The following DSC3 variants were observed in gnomAD, a reference collection of about 807,000 sequenced individuals.
DSC3 encodes desmocollin-3.
DSC3 carries 97 observed loss-of-function variants against 89.5 expected under a neutral mutation model. The observed-to-expected ratio is 1.08, with a 90% CI of 0.92 to 1.28. DSC3 has a LOEUF of 1.28. Ranked by LOEUF, DSC3 falls within the 50% of genes most tolerant of loss-of-function variation. DSC3 has a pLI of 0.00. For synonymous variants in DSC3, 436 were observed against 384.1 expected (o/e 1.14, Z -1.58); for missense variants, 1,199 against 1,085.3 (o/e 1.10, Z -1.47).
At chr18:31,030,663 A>G (rs948728825) in intron 3 of DSC3, among the ~76,000 whole-genome samples, 1 of 151,970 alleles carries the variant, frequency 6.6e-6, no homozygotes, top group African/African-American at 2.4e-5. Context: ...AGAGGGAGAG[A>G]CAAAAATAGA....
At chr18:30,994,748 TC>T (rs1984399084) in intron 15 of DSC3, among the ~76,000 whole-genome samples, 1 of 152,194 alleles carries the variant, frequency 6.6e-6, no homozygotes, top group Non-Finnish European at 1.5e-5. Context: ...TGGTTGTGAG[TC>T]AAAGCTCTGG....
intron 4 of DSC3, among the ~76,000 whole-genome samples, chr18:31,026,884 C>A (rs1344827316): frequency 6.6e-6 from 1 of 152,026 alleles, no homozygotes; most frequent in African/African-American, 2.4e-5. Flanking sequence ...GTGTCTTCTC[C>A]CTGTTGGACA....
intron 4 of DSC3, among the ~76,000 whole-genome samples, chr18:31,027,649 G>C (rs561695734): frequency 4.1e-4 from 62 of 152,220 alleles, no homozygotes; most frequent in African/African-American, 1.4e-3. Flanking sequence ...CATGGCTATG[G>C]TGTTTTCCTG....
intron 1 of DSC3, among the ~76,000 whole-genome samples, chr18:31,038,057 A>T (rs1986027570): frequency 6.6e-6 from 1 of 152,184 alleles, no homozygotes; most frequent in Non-Finnish European, 1.5e-5. Context: ...AGATGTTCTT[A>T]TGTGAACCCA....
At chr18:31,024,850 T>C (rs1985545487) in intron 5 of DSC3, among the ~76,000 whole-genome samples, 1 of 152,174 alleles carries the variant, frequency 6.6e-6, no homozygotes, top group Admixed American at 6.6e-5. Flanking sequence ...AAATTCCTAC[T>C]ACATTATCTA....
chr18:31,039,228 C>T (rs1986061856), intron 1 of DSC3, among the ~76,000 whole-genome samples: 1 of 151,992 alleles, frequency 6.6e-6, no homozygotes, highest in African/African-American at 2.4e-5. Context: ...TGATAGAAAC[C>T]TTATCAGACG....
At position 30,993,398 on chromosome 18, in the gene DSC3, CA is replaced by C. The variant is rs1909722771; in HGVS notation, c.*776del. On this transcript the variant is annotated 3_prime_UTR_variant, in exon 16 of 16. Transcript: ENST00000360428. ...AGTTTAATTTATTTACAATTTTAAA[CA>C]AATTACACAAATTGGACAGGAACTA... 1 of 152,114 alleles carries C rather than the reference CA, an allele frequency of 6.6e-6. No homozygotes were observed. Among genetic ancestry groups the C allele is most frequent in the South Asian group, 2.1e-4 (1 of 4,828 alleles). The allele number at this position is 152,114 out of a possible 1,614,324, so 9.4% of individuals were successfully genotyped here.
At position 30,991,182 on chromosome 18, in the gene DSC3, A is replaced by G. The variant is rs1984228847; in HGVS notation, c.*2993T>C. 6.5e-6 allele frequency: 1 copy of G among 152,688 alleles called. No individual in the cohort carries two copies. The highest frequency in any genetic ancestry group is 6.5e-5 in the Admixed American group (1 of 15,290). The allele number at this position is 152,688 out of a possible 1,614,324, so 9.5% of individuals were successfully genotyped here. On this transcript the variant is annotated 3_prime_UTR_variant, in exon 16 of 16. Coordinates refer to ENST00000360428, the MANE Select transcript of DSC3 (RefSeq NM_001941.5). ...TAAAAGCAAAGTAACTTCTTTTAAT[A>G]GCAATACTAAAACTCTGTTTAAAAC...
rs770616021 is a variant in DSC3, at chr18:31,008,425, C to G, written c.1364G>C (p.Arg455Thr). ...RDIPRVTALN[R>T]ALVTVHVRDL... ...CCTCACATGAACTGTAACCAAGGCT[C>G]TGTTCAAGGCTGTCACTCTGGGAAT... The change falls in exon 10 of 16, where the codon AGA becomes ACA. Residue 455 changes from arginine to threonine, a missense_variant. Physicochemically the swap from Arg to Thr is moderately conservative, Grantham distance 71. Transcript: ENST00000360428. The G allele has an allele frequency of 6.2e-7, 1 of 1,614,148 alleles. No individual in the cohort carries two copies. The highest frequency in any genetic ancestry group is 8.5e-7 in the Non-Finnish European group (1 of 1,180,020).
chr18:31,001,089 G>GTGTATATA (rs141615987), intron 14 of DSC3, among the ~76,000 whole-genome samples: 146 of 126,030 alleles, frequency 1.2e-3, no homozygotes, highest in African/African-American at 3.9e-3. Context: ...TTGTGTGTGT[G>GTGTATATA]TATATATATA....
At chr18:30,995,318 C>T (rs1984418282) in intron 15 of DSC3, among the ~76,000 whole-genome samples, 2 of 152,194 alleles carry the variant, frequency 1.3e-5, no homozygotes, top group Non-Finnish European at 2.9e-5. Context: ...CACTCCATCT[C>T]AACCTGATAT....
At chr18:31,013,879 C>G (rs978104820) in intron 9 of DSC3, among the ~76,000 whole-genome samples, 6 of 152,076 alleles carry the variant, frequency 3.9e-5, no homozygotes, top group Non-Finnish European at 5.9e-5. Context: ...CTTGACTAAG[C>G]AATTCCATTT....
intron 12 of DSC3, among the ~76,000 whole-genome samples, chr18:31,005,754 G>A (rs1170243892): frequency 6.6e-6 from 1 of 152,192 alleles, no homozygotes; most frequent in Non-Finnish European, 1.5e-5. Context: ...TTGGAAGGGA[G>A]AAGTAATCAG....
intron 1 of DSC3, among the ~76,000 whole-genome samples, chr18:31,035,924 T>G (rs1316709940): frequency 6.6e-6 from 1 of 152,154 alleles, no homozygotes; most frequent in Non-Finnish European, 1.5e-5. Flanking sequence ...TTGGGTAGTA[T>G]CTGTTTATAT....
chr18:31,007,353 T>C (rs996963705), intron 11 of DSC3, among the ~76,000 whole-genome samples: 1 of 152,156 alleles, frequency 6.6e-6, no homozygotes, highest in Non-Finnish European at 1.5e-5. Flanking sequence ...CAATAAATCT[T>C]TTACCAGAAT....
In DSC3 at chr18:31,006,951, G is replaced by A; in HGVS notation, c.1844C>T (p.Thr615Ile). The A allele has an allele frequency of 6.2e-7, 1 of 1,613,906 alleles. No homozygotes were observed. The highest frequency in any genetic ancestry group is 1.1e-5 in the South Asian group (1 of 91,074). ...CCACAGTCTACTGATTTCTGGAGAA[G>A]TATTGGGCAAACTGAAATAAAATGG... ...GAPFYFSLPN[T>I]SPEISRLWSL... is the part of the protein sequence containing the mutation. Residue 615 changes from threonine (T) to isoleucine (I), a missense_variant, in exon 12 of 16, where the codon ACT becomes ATT. Coordinates refer to ENST00000360428, the MANE Select transcript of DSC3 (RefSeq NM_001941.5).
intron 4 of DSC3, among the ~76,000 whole-genome samples, chr18:31,027,549 T>A (rs1985641613): frequency 6.6e-6 from 1 of 151,532 alleles, no homozygotes; most frequent in Non-Finnish European, 1.5e-5. Context: ...ATTCGCCAAC[T>A]TTGTGTTACA....
chr18:31,027,809 G>T (rs1598548725), intron 4 of DSC3, among the ~76,000 whole-genome samples: 1 of 152,032 alleles, frequency 6.6e-6, no homozygotes, highest in South Asian at 2.1e-4. Flanking sequence ...CAGCCCTACG[G>T]ACAATTCTGA....
At position 31,001,406 on chromosome 18, in the gene DSC3, G is replaced by C. The variant is rs545530697; in HGVS notation, c.2235+212C>G. Among the ~76,000 whole-genome samples, 441 of 151,966 alleles carry C rather than the reference G, an allele frequency of 2.9e-3. 3 individuals are homozygous for C. The highest frequency in any genetic ancestry group is 6.8e-3 in the Middle Eastern group (2 of 294). Reference sequence around the variant, plus strand: ...AACAAGTTTAAACTATGACACTAGAGTGGAAAAAAGATAACTAAAATAATA... The same window carrying C: ...AACAAGTTTAAACTATGACACTAGACTGGAAAAAAGATAACTAAAATAATA... On this transcript the variant is annotated intron_variant, in intron 14 of 15. Transcript: ENST00000360428.
Sources: gnomAD v4.1 joint callset for allele counts (sites outside exome capture counted in the v4.1 genomes callset) on GRCh38, gnomAD v4.1.1 for gene constraint, MANE v1.5 for transcripts, NCBI Gene and HGNC (gene_info 2026-07-23, HGNC 2026-07-21) for gene names.